Variants in PDE1C observed in about 807,000 individuals in gnomAD.
The protein encoded by PDE1C is dual specificity calcium/calmodulin-dependent 3',5'-cyclic nucleotide phosphodiesterase 1C.
A neutral mutation model predicts 93.1 loss-of-function variants in PDE1C; 62 were observed. The observed-to-expected ratio is 0.67, with a 90% CI of 0.54 to 0.82. PDE1C has a LOEUF of 0.82. PDE1C is among the 40% of genes least tolerant of loss of function. The pLI is 0.00. For missense variants in PDE1C, 742 were observed against 884.6 expected (o/e 0.84, Z 2.04); for synonymous variants, 325 against 310.1 (o/e 1.05, Z -0.50).
At chr7:32,005,542 C>A (rs1275198180) in intron 2 of PDE1C, among the ~76,000 whole-genome samples, 60 of 97,074 alleles carry the variant, frequency 6.2e-4, no homozygotes, top group African/African-American at 2.2e-3. Context: ...GGCGACAGAG[C>A]GAGACTCCAT....
chr7:32,061,755 A>T (rs1324864161), intron 1 of PDE1C, among the ~76,000 whole-genome samples: 1 of 152,254 alleles, frequency 6.6e-6, no homozygotes, highest in African/African-American at 2.4e-5. Flanking sequence ...CAAGTAGTCA[A>T]TATAAGTTTC....
At chr7:32,164,098 G>A (rs891539700) in intron 3 of PDE1C, among the ~76,000 whole-genome samples, 1 of 152,208 alleles carries the variant, frequency 6.6e-6, no homozygotes, top group African/African-American at 2.4e-5. Flanking sequence ...CCACTCTGAA[G>A]GTGGTGGTCC....
At chr7:31,768,153 A>G (rs982294922) in intron 17 of PDE1C, among the ~76,000 whole-genome samples, 14 of 152,164 alleles carry the variant, frequency 9.2e-5, no homozygotes, top group African/African-American at 3.1e-4. Flanking sequence ...CCTAAGACTA[A>G]CCTTTGCCAT....
chr7:32,379,815 G>A (rs567058444), intron 1 of PDE1C, among the ~76,000 whole-genome samples: 2 of 152,174 alleles, frequency 1.3e-5, no homozygotes, highest in South Asian at 2.1e-4. Context: ...ACGGCACTTA[G>A]CATTGGTCCC....
chr7:31,884,937 T>C (rs891793744), intron 2 of PDE1C, among the ~76,000 whole-genome samples: 2 of 152,246 alleles, frequency 1.3e-5, no homozygotes, highest in African/African-American at 4.8e-5. Context: ...AAAGTATTTT[T>C]GTTCAACTGG....
At chr7:32,420,243 G>A (rs1242220580) in intron 1 of PDE1C, among the ~76,000 whole-genome samples, 2 of 34,238 alleles carry the variant, frequency 5.8e-5, no homozygotes, top group South Asian at 8.4e-4. Context: ...ATATATATGT[G>A]TATATATATA....
intron 1 of PDE1C, among the ~76,000 whole-genome samples, chr7:32,338,032 A>G (rs34418262): frequency 0.13 from 19,392 of 152,218 alleles, 1,692 homozygotes; most frequent in East Asian, 0.38. Flanking sequence ...AAAACACAGG[A>G]GAAAAGCTTC....
At chr7:32,249,718 C>G (rs916352412) in intron 1 of PDE1C, among the ~76,000 whole-genome samples, 2 of 152,090 alleles carry the variant, frequency 1.3e-5, no homozygotes, top group Non-Finnish European at 2.9e-5. Context: ...CAGGAGATGT[C>G]ATTATTTCAA....
rs148289723 is a variant in PDE1C, at chr7:32,365,040, C to G, written c.310+62782G>C. ...AGCAGCTGACATGGTCCCAGTCCAGCAGAGCAGCTATATGCCTACACTCAG... is the reference window on the plus strand; with the variant it reads ...AGCAGCTGACATGGTCCCAGTCCAGGAGAGCAGCTATATGCCTACACTCAG... On this transcript the variant is annotated intron_variant, in intron 1 of 1. Transcript: ENST00000672256. Among the ~76,000 whole-genome samples the G allele has an allele frequency of 8.5e-5, 13 of 152,366 alleles. No individual in the cohort carries two copies. In the East Asian group the frequency reaches 1.7e-3, roughly 20 times the overall value.
At chr7:32,136,454 G>A (rs916782045) in intron 3 of PDE1C, among the ~76,000 whole-genome samples, 1 of 152,050 alleles carries the variant, frequency 6.6e-6, no homozygotes, top group African/African-American at 2.4e-5. Flanking sequence ...CATGCTAAAG[G>A]AAGCACAAAT....
intron 13 of PDE1C, among the ~76,000 whole-genome samples, chr7:31,823,912 T>C (rs1789321843): frequency 6.6e-6 from 1 of 152,112 alleles, no homozygotes; most frequent in South Asian, 2.1e-4. Flanking sequence ...CTGGTAGGAA[T>C]ACAAATTCAT....
chr7:32,112,248 GCTTC>G (rs762734554), intron 3 of PDE1C, among the ~76,000 whole-genome samples: 16 of 151,962 alleles, frequency 1.1e-4, no homozygotes, highest in Non-Finnish European at 2.4e-4. Context: ...ATCTTCTCCT[GCTTC>G]CTTATTTTCC....
chr7:32,251,107 C>T (rs1303361863), intron 1 of PDE1C, among the ~76,000 whole-genome samples: 1 of 152,240 alleles, frequency 6.6e-6, no homozygotes, highest in Non-Finnish European at 1.5e-5. Flanking sequence ...AAGGCTAATG[C>T]TAACTTCTTT....
At chr7:31,950,636 T>C (rs1390156134) in intron 2 of PDE1C, among the ~76,000 whole-genome samples, 1 of 152,184 alleles carries the variant, frequency 6.6e-6, no homozygotes, top group Non-Finnish European at 1.5e-5. Flanking sequence ...GAAGGAGAGT[T>C]ACAGCAATAA....
At chr7:32,340,058 G>A (rs1326544039) in intron 1 of PDE1C, among the ~76,000 whole-genome samples, 2 of 152,122 alleles carry the variant, frequency 1.3e-5, no homozygotes, top group South Asian at 4.1e-4. Flanking sequence ...TTTATGGGAA[G>A]TAAGGGCATG....
At chr7:31,810,106 C>G (rs1320610848) in intron 15 of PDE1C, among the ~76,000 whole-genome samples, 1 of 152,096 alleles carries the variant, frequency 6.6e-6, no homozygotes, top group East Asian at 1.9e-4. Context: ...TACAGTATAA[C>G]AGTGCTGCAT....
intron 1 of PDE1C, among the ~76,000 whole-genome samples, chr7:32,253,383 C>G (rs1255927616): frequency 6.6e-6 from 1 of 152,112 alleles, no homozygotes; most frequent in Non-Finnish European, 1.5e-5. Flanking sequence ...CTGTACTGGC[C>G]TTTACCGAAA....
At chr7:31,898,920 T>C (rs955408071) in intron 2 of PDE1C, among the ~76,000 whole-genome samples, 5 of 152,162 alleles carry the variant, frequency 3.3e-5, no homozygotes, top group Admixed American at 2.0e-4. Flanking sequence ...AAGATGACCA[T>C]CTTTCACTAG....
At chr7:32,095,305 G>A (rs1484473623) in intron 3 of PDE1C, among the ~76,000 whole-genome samples, 3 of 152,268 alleles carry the variant, frequency 2.0e-5, no homozygotes, top group Non-Finnish European at 4.4e-5. Flanking sequence ...TTGTCAGAGG[G>A]AAAAACAGTG....
Sources: gnomAD v4.1 joint callset for allele counts (sites outside exome capture counted in the v4.1 genomes callset) on GRCh38, gnomAD v4.1.1 for gene constraint, MANE v1.5 for transcripts, NCBI Gene and HGNC (gene_info 2026-07-23, HGNC 2026-07-21) for gene names.